CA10: variants seen among roughly 807,000 people sequenced by gnomAD.
CA10 encodes carbonic anhydrase 10 (inactive), also known as carbonic anhydrase-related protein 10.
CA10 carries 14 observed loss-of-function variants against 44.2 expected under a neutral mutation model. That is an observed-to-expected ratio of 0.32 (90% confidence interval 0.21 to 0.50). The LOEUF (loss-of-function observed/expected upper bound fraction) is 0.50. CA10 is among the 20% of genes least tolerant of loss of function. The pLI, the probability that CA10 is intolerant of heterozygous loss-of-function variation, is 0.99. For synonymous variants in CA10, 159 were observed against 141.6 expected, an observed-to-expected ratio of 1.12 and a Z score of -0.87; for missense variants, 350 against 409.7, an observed-to-expected ratio of 0.85 and a Z score of 1.26.
chr17:51,713,857 A>G (rs1283076350), intron 4 of CA10, among the ~76,000 whole-genome samples: 1 of 152,200 alleles, frequency 6.6e-6, no homozygotes, highest in Non-Finnish European at 1.5e-5. Flanking sequence ...AGACAAGTCA[A>G]TTTGATGGCA....
intron 3 of CA10, among the ~76,000 whole-genome samples, chr17:51,823,497 T>A (rs1191661172): frequency 2.6e-5 from 4 of 152,224 alleles, no homozygotes; most frequent in Non-Finnish European, 4.4e-5. Context: ...CTCTTCTGCA[T>A]ATCTGGGTTC....
chr17:51,633,429 A>G (rs749553794), intron 8 of CA10, 47 bp downstream of exon 8: 18 of 1,554,678 alleles, frequency 1.2e-5, no homozygotes, highest in Non-Finnish European at 1.5e-5. Flanking sequence ...AAGCAGAAAG[A>G]CTGAGCTCTA....
intron 1 of CA10, among the ~76,000 whole-genome samples, chr17:52,085,774 G>T (rs79605937): frequency 0.039 from 5,963 of 152,160 alleles, 304 homozygotes; most frequent in African/African-American, 0.12. Context: ...TTAGACATTT[G>T]TTTCTCACTG....
chr17:51,831,681 G>GCAGCAGCAGCAT (rs1555604042), intron 3 of CA10, among the ~76,000 whole-genome samples: 21 of 70,342 alleles, frequency 3.0e-4, no homozygotes, highest in African/African-American at 8.8e-4. Context: ...AGCAGCAGCA[G>GCAGCAGCAGCAT]CAGCAGCAGC....
At chr17:51,917,573 C>A (rs146312705) in intron 3 of CA10, among the ~76,000 whole-genome samples, 2 of 152,290 alleles carry the variant, frequency 1.3e-5, no homozygotes, top group African/African-American at 4.8e-5. Flanking sequence ...TCTGGGGAAG[C>A]CTCGGGGAGT....
At chr17:51,967,789 C>T (rs954654934) in intron 2 of CA10, among the ~76,000 whole-genome samples, 6 of 151,544 alleles carry the variant, frequency 4.0e-5, no homozygotes, top group Admixed American at 1.3e-4. Flanking sequence ...ACGAAGTATA[C>T]CCATGTAATG....
intron 4 of CA10, among the ~76,000 whole-genome samples, chr17:51,746,682 T>C (rs886921377): frequency 6.6e-6 from 1 of 152,214 alleles, no homozygotes. Flanking sequence ...CCCTGGTAAC[T>C]AGCTGAGTGC....
intron 3 of CA10, among the ~76,000 whole-genome samples, chr17:51,884,905 TCTTC>T (rs941335521): frequency 6.6e-6 from 1 of 152,202 alleles, no homozygotes; most frequent in Non-Finnish European, 1.5e-5. Flanking sequence ...CACCTGGCTT[TCTTC>T]CTTATTTGTC....
rs369801063 is a variant in CA10, at chr17:51,840,199, C to T, written c.279+90791G>A. 4.3e-4 allele frequency among the ~76,000 whole-genome samples: 66 copies of T among 152,244 alleles called. 1 individual carries two copies. The highest frequency in any genetic ancestry group is 1.3e-3 in the African/African-American group (53 of 41,520). On this transcript the variant is annotated intron_variant, in intron 3 of 8. Coordinates refer to ENST00000451037, the MANE Select transcript of CA10 (RefSeq NM_020178.5). ...GGTGAGGCAGGTGAAGTATTTAATA[C>T]GGACCCCACTAAGTGCTATTTCTTT...
chr17:52,047,622 G>C (rs1986947442), intron 2 of CA10, among the ~76,000 whole-genome samples: 1 of 151,816 alleles, frequency 6.6e-6, no homozygotes, highest in African/African-American at 2.4e-5. Flanking sequence ...AGAAAATGTA[G>C]AAATGTACAA....
At chr17:51,636,804 T>A (rs1410078577) in intron 6 of CA10, among the ~76,000 whole-genome samples, 1 of 151,860 alleles carries the variant, frequency 6.6e-6, no homozygotes, top group Non-Finnish European at 1.5e-5. Context: ...TGTGTGTGTG[T>A]GTGTGTGTAT....
chr17:52,035,943 T>C (rs1986605466), intron 2 of CA10, among the ~76,000 whole-genome samples: 1 of 152,218 alleles, frequency 6.6e-6, no homozygotes. Flanking sequence ...TCATGGACTC[T>C]CAGGCTGTAG....
chr17:51,651,576 T>C (rs1319025723), intron 5 of CA10, among the ~76,000 whole-genome samples: 1 of 152,224 alleles, frequency 6.6e-6, no homozygotes, highest in Non-Finnish European at 1.5e-5. Flanking sequence ...TTCAACAGCC[T>C]GTGGGCAAGC....
At chr17:51,906,409 T>C (rs1981556235) in intron 3 of CA10, among the ~76,000 whole-genome samples, 1 of 152,084 alleles carries the variant, frequency 6.6e-6, no homozygotes, top group Admixed American at 6.6e-5. Context: ...CCACACTTTC[T>C]GGATGTCCCT....
intron 2 of CA10, among the ~76,000 whole-genome samples, chr17:51,989,832 G>A (rs928474619): frequency 1.3e-5 from 2 of 152,050 alleles, no homozygotes. Flanking sequence ...TCCTTAACCT[G>A]TTTTCTGCTG....
chr17:51,869,181 T>C (rs998508398), intron 3 of CA10, among the ~76,000 whole-genome samples: 1 of 152,154 alleles, frequency 6.6e-6, no homozygotes, highest in Non-Finnish European at 1.5e-5. Context: ...GAAGAAAATA[T>C]TAATAAGATT....
At chr17:51,809,056 G>C (rs931681914) in intron 3 of CA10, among the ~76,000 whole-genome samples, 1 of 151,168 alleles carries the variant, frequency 6.6e-6, no homozygotes, top group African/African-American at 2.4e-5. Flanking sequence ...CCCTGACTTG[G>C]CATCTAGATC....
intron 2 of CA10, among the ~76,000 whole-genome samples, chr17:52,061,084 G>A (rs189325890): frequency 6.6e-6 from 1 of 152,246 alleles, no homozygotes; most frequent in African/African-American, 2.4e-5. Flanking sequence ...TTCCCAAAAT[G>A]TCCATATTCT....
At chr17:51,812,816 C>T (rs1044933861) in intron 3 of CA10, among the ~76,000 whole-genome samples, 5 of 152,146 alleles carry the variant, frequency 3.3e-5, no homozygotes, top group Non-Finnish European at 5.9e-5. Flanking sequence ...CAAGGAAAGG[C>T]AAGAAATAGC....
Sources: gnomAD v4.1 joint callset for allele counts (sites outside exome capture counted in the v4.1 genomes callset) on GRCh38, gnomAD v4.1.1 for gene constraint, MANE v1.5 for transcripts, NCBI Gene and HGNC (gene_info 2026-07-23, HGNC 2026-07-21) for gene names.